Variants in LRRTM4 observed in about 807,000 individuals in gnomAD.
The protein encoded by LRRTM4 is leucine rich repeat transmembrane neuronal 4.
A neutral mutation model predicts 47.6 loss-of-function variants in LRRTM4; 25 were observed. That is an observed-to-expected ratio of 0.53 (90% CI 0.38 to 0.73). The LOEUF (loss-of-function observed/expected upper bound fraction) is 0.73. Ranked by LOEUF, LRRTM4 falls within the 30% of genes least tolerant of loss-of-function variation. The pLI, the probability that LRRTM4 is intolerant of heterozygous loss-of-function variation, is 0.00. For synonymous variants in LRRTM4, 311 were observed against 269.5 expected, an observed-to-expected ratio of 1.15 and a Z score of -1.51; for missense variants, 638 against 713.4, an observed-to-expected ratio of 0.89 and a Z score of 1.20.
chr2:76,805,916 C>T (rs568284081), intron 3 of LRRTM4, among the ~76,000 whole-genome samples: 1 of 152,214 alleles, frequency 6.6e-6, no homozygotes, highest in East Asian at 1.9e-4. Flanking sequence ...TCTAATAAAT[C>T]TTTCTCTATC....
intron 3 of LRRTM4, among the ~76,000 whole-genome samples, chr2:76,901,087 G>A (rs151025448): frequency 7.0e-4 from 106 of 152,032 alleles, no homozygotes; most frequent in African/African-American, 2.4e-3. Context: ...TGCAGGATGC[G>A]CAGGTTTGTT....
intron 3 of LRRTM4, among the ~76,000 whole-genome samples, chr2:77,320,941 C>G (rs1372603376): frequency 6.6e-6 from 1 of 151,888 alleles, no homozygotes; most frequent in Non-Finnish European, 1.5e-5. Context: ...CATTATTTGA[C>G]ATACCTGATA....
rs189297281 is a variant in LRRTM4 at position 76,986,978 on chromosome 2, C to T, written c.1552-238062G>A. Reference sequence around the variant, plus strand: ...CTATTCTGACACCATATTTATCTGACAGTCAGTAGCCAAAAGTGGGAAGGT... The same window carrying T: ...CTATTCTGACACCATATTTATCTGATAGTCAGTAGCCAAAAGTGGGAAGGT... On this transcript the variant is annotated intron_variant, in intron 3 of 3. Coordinates refer to ENST00000409884, the MANE Select transcript of LRRTM4 (RefSeq NM_001134745.3). Among the ~76,000 whole-genome samples, 326 of 151,942 alleles carry T rather than the reference C, an allele frequency of 2.1e-3. 7 individuals are homozygous for T. The highest frequency in any genetic ancestry group is 7.6e-3 in the African/African-American group (316 of 41,496).
chr2:77,446,485 T>G (rs1380438540), intron 3 of LRRTM4, among the ~76,000 whole-genome samples: 1 of 152,062 alleles, frequency 6.6e-6, no homozygotes, highest in Non-Finnish European at 1.5e-5. Flanking sequence ...TAGCTTATAT[T>G]GAATATTAAC....
At chr2:77,136,692 A>C (rs1671953859) in intron 3 of LRRTM4, among the ~76,000 whole-genome samples, 2 of 152,194 alleles carry the variant, frequency 1.3e-5, no homozygotes, top group Non-Finnish European at 2.9e-5. Flanking sequence ...TAAAGGAGAA[A>C]GTTCGAAACC....
At chr2:76,955,215 CTTTTAAT>C (rs1262000210) in intron 3 of LRRTM4, among the ~76,000 whole-genome samples, 1 of 151,680 alleles carries the variant, frequency 6.6e-6, no homozygotes, top group African/African-American at 2.4e-5. Flanking sequence ...GTATAAATAA[CTTTTAAT>C]TCTGAAGTAG....
intron 3 of LRRTM4, among the ~76,000 whole-genome samples, chr2:77,114,594 A>G (rs7582262): frequency 0.58 from 88,243 of 151,942 alleles, 26,009 homozygotes; most frequent in East Asian, 0.68. Context: ...GCCAGATATC[A>G]GGGGAACCAG....
intron 3 of LRRTM4, among the ~76,000 whole-genome samples, chr2:77,182,879 A>C (rs1673389228): frequency 6.6e-6 from 1 of 152,200 alleles, no homozygotes; most frequent in Admixed American, 6.5e-5. Context: ...CTGGCTAGCC[A>C]TATGTAGAAA....
At chr2:77,487,941 C>T (rs1677985041) in intron 3 of LRRTM4, among the ~76,000 whole-genome samples, 1 of 152,184 alleles carries the variant, frequency 6.6e-6, no homozygotes, top group Non-Finnish European at 1.5e-5. Flanking sequence ...CTCTTCACCT[C>T]AATCACCCTC....
intron 3 of LRRTM4, among the ~76,000 whole-genome samples, chr2:76,886,118 G>C (rs901427451): frequency 2.6e-5 from 4 of 151,972 alleles, no homozygotes; most frequent in African/African-American, 7.2e-5. Context: ...ATCAAAGCAA[G>C]GTAAAGAAAA....
intron 3 of LRRTM4, among the ~76,000 whole-genome samples, chr2:77,292,780 T>G (rs12328844): frequency 6.6e-6 from 1 of 150,876 alleles, no homozygotes; most frequent in African/African-American, 2.4e-5. Flanking sequence ...CACACCAGCA[T>G]GGCACATGTA....
At chr2:77,133,422 G>A (rs1014599283) in intron 3 of LRRTM4, among the ~76,000 whole-genome samples, 14 of 151,964 alleles carry the variant, frequency 9.2e-5, no homozygotes, top group African/African-American at 3.1e-4. Flanking sequence ...GATTATACTT[G>A]CCAAAGAAAT....
chr2:77,039,331 T>C (rs796464881), intron 3 of LRRTM4, among the ~76,000 whole-genome samples: 1 of 150,916 alleles, frequency 6.6e-6, no homozygotes, highest in Non-Finnish European at 1.5e-5. Flanking sequence ...TAAGTCTTTT[T>C]TTTTTTTTAA....
Position 76,877,938 on chromosome 2 carries a change from C to A in LRRTM4, c.1552-129022G>T, listed in dbSNP as rs546601790. 8.5e-5 allele frequency among the ~76,000 whole-genome samples: 13 copies of A among 152,244 alleles called. 2 individuals are homozygous for A. In the South Asian group the frequency reaches 2.7e-3, roughly 32 times the overall value. ...AAGGAAAAAAGGTCACAGATGCATACCTCATCTTACTGTGCTTCACTTTAT... is the reference window on the plus strand; with the variant it reads ...AAGGAAAAAAGGTCACAGATGCATAACTCATCTTACTGTGCTTCACTTTAT... On this transcript the variant is annotated intron_variant, in intron 3 of 3. Transcript: ENST00000409884.
chr2:77,240,005 A>C (rs1675212916), intron 3 of LRRTM4, among the ~76,000 whole-genome samples: 1 of 151,912 alleles, frequency 6.6e-6, no homozygotes, highest in Non-Finnish European at 1.5e-5. Context: ...TGCACATGTA[A>C]CATCTATCAA....
chr2:77,058,148 C>T (rs1679668387), intron 3 of LRRTM4, among the ~76,000 whole-genome samples: 1 of 152,132 alleles, frequency 6.6e-6, no homozygotes, highest in Admixed American at 6.6e-5. Flanking sequence ...AAACAACCAA[C>T]AAAAAGTTCC....
At chr2:77,069,693 AG>A (rs1680086522) in intron 3 of LRRTM4, among the ~76,000 whole-genome samples, 1 of 151,668 alleles carries the variant, frequency 6.6e-6, no homozygotes, top group Non-Finnish European at 1.5e-5. Context: ...ACAGCTTCAT[AG>A]CCAGCCACGA....
At chr2:76,825,111 A>G (rs1344972199) in intron 3 of LRRTM4, among the ~76,000 whole-genome samples, 1 of 151,672 alleles carries the variant, frequency 6.6e-6, no homozygotes, top group African/African-American at 2.4e-5. Context: ...AGTAAGATAG[A>G]TAAGGGGTAA....
At chr2:77,191,614 CTATA>C (rs1194166866) in intron 3 of LRRTM4, among the ~76,000 whole-genome samples, 2 of 151,590 alleles carry the variant, frequency 1.3e-5, no homozygotes, top group Non-Finnish European at 2.9e-5. Context: ...ATAAGAAACA[CTATA>C]TATGCTAAAT....
Sources: gnomAD v4.1 joint callset for allele counts (sites outside exome capture counted in the v4.1 genomes callset) on GRCh38, gnomAD v4.1.1 for gene constraint, MANE v1.5 for transcripts, NCBI Gene and HGNC (gene_info 2026-07-23, HGNC 2026-07-21) for gene names.